SLC35F3: variants seen among roughly 807,000 people sequenced by gnomAD.
SLC35F3 encodes solute carrier family 35 member F3, also known as putative thiamine transporter SLC35F3.
A neutral mutation model predicts 49.9 loss-of-function variants in SLC35F3; 25 were observed. The observed-to-expected ratio is 0.50, with a 90% CI of 0.37 to 0.70. SLC35F3 has a LOEUF of 0.70. Ranked by LOEUF, SLC35F3 falls within the 30% of genes least tolerant of loss-of-function variation. The pLI, the probability that SLC35F3 is intolerant of heterozygous loss-of-function variation, is 0.00. For synonymous variants in SLC35F3, 275 were observed against 265.4 expected, an observed-to-expected ratio of 1.04 and a Z score of -0.35; for missense variants, 525 against 639.8, an observed-to-expected ratio of 0.82 and a Z score of 1.94.
chr1:234,137,370 C>T (rs984032072), intron 2 of SLC35F3, among the ~76,000 whole-genome samples: 2 of 152,120 alleles, frequency 1.3e-5, no homozygotes, highest in African/African-American at 4.8e-5. Context: ...ATGTCAGGTG[C>T]TTTTGTGAGG....
intron 4 of SLC35F3, among the ~76,000 whole-genome samples, chr1:234,315,066 T>C (rs1015081607): frequency 1.3e-5 from 2 of 152,196 alleles, no homozygotes; most frequent in African/African-American, 2.4e-5. Context: ...ACAGTACATG[T>C]AGCATTTGAA....
At chr1:234,020,731 A>C (rs190788699) in intron 2 of SLC35F3, among the ~76,000 whole-genome samples, 127 of 152,216 alleles carry the variant, frequency 8.3e-4, no homozygotes, top group African/African-American at 3.0e-3. Flanking sequence ...TTTTCTTCTG[A>C]ATACAATAAG....
intron 2 of SLC35F3, among the ~76,000 whole-genome samples, chr1:233,972,262 T>A (rs1663007968): frequency 6.6e-6 from 1 of 152,230 alleles, no homozygotes; most frequent in Non-Finnish European, 1.5e-5. Context: ...AATTGTGACG[T>A]CTAGGTCAAA....
At position 233,998,618 on chromosome 1, in the gene SLC35F3, T is replaced by C. The variant is rs72753795; in HGVS notation, c.283+92860T>C. Among the ~76,000 whole-genome samples the C allele has an allele frequency of 1.6e-3, 240 of 151,792 alleles. 4 individuals are homozygous for C. Among genetic ancestry groups the C allele is most frequent in the Non-Finnish European group, 1.6e-3 (111 of 67,936 alleles). On this transcript the variant is annotated intron_variant, in intron 2 of 7. Transcript: ENST00000366618. Reference sequence around the variant, plus strand: ...ATCAAAAAGAACAGTAATGGAGATGTTCTCTAATGAACTGTTCAACTCAGT... The same window carrying C: ...ATCAAAAAGAACAGTAATGGAGATGCTCTCTAATGAACTGTTCAACTCAGT...
At chr1:234,128,838 C>T (rs2067798) in intron 2 of SLC35F3, among the ~76,000 whole-genome samples, 58,532 of 152,056 alleles carry the variant, frequency 0.38, 13,233 homozygotes, top group Non-Finnish European at 0.52. Flanking sequence ...TTCACTCTGT[C>T]GGAAAATCGG....
At chr1:233,927,878 A>G (rs79703612) in intron 2 of SLC35F3, among the ~76,000 whole-genome samples, 15,190 of 152,226 alleles carry the variant, frequency 0.1, 910 homozygotes, top group East Asian at 0.14. Context: ...GATTCCTTAA[A>G]TAGATATAAA....
At chr1:233,955,077 CAG>C (rs1662674420) in intron 2 of SLC35F3, among the ~76,000 whole-genome samples, 1 of 152,140 alleles carries the variant, frequency 6.6e-6, no homozygotes, top group African/African-American at 2.4e-5. Context: ...CTCCTGAACT[CAG>C]GTGATCCACC....
chr1:233,967,018 T>C (rs7550719), intron 2 of SLC35F3, among the ~76,000 whole-genome samples: 30,944 of 152,110 alleles, frequency 0.2, 3,373 homozygotes, highest in East Asian at 0.37. Flanking sequence ...CTATACTTTT[T>C]GAGTAGGGTT....
intron 2 of SLC35F3, among the ~76,000 whole-genome samples, chr1:234,084,723 T>C (rs922877819): frequency 2.0e-5 from 3 of 152,162 alleles, no homozygotes; most frequent in African/African-American, 7.2e-5. Flanking sequence ...TTATCATGTT[T>C]CTAGAGAATA....
At chr1:234,268,142 C>T (rs1668027981) in intron 3 of SLC35F3, among the ~76,000 whole-genome samples, 2 of 152,212 alleles carry the variant, frequency 1.3e-5, no homozygotes, top group African/African-American at 4.8e-5. Context: ...GAGATCACGC[C>T]ACTGCACTCC....
At chr1:234,060,033 A>G (rs548141061) in intron 2 of SLC35F3, among the ~76,000 whole-genome samples, 16 of 152,368 alleles carry the variant, frequency 1.1e-4, no homozygotes, top group Non-Finnish European at 8.8e-5. Flanking sequence ...CTTCAATCTA[A>G]TCAAGTTGAC....
At chr1:233,978,242 G>T (rs1030764175) in intron 2 of SLC35F3, among the ~76,000 whole-genome samples, 1 of 152,184 alleles carries the variant, frequency 6.6e-6, no homozygotes, top group South Asian at 2.1e-4. Context: ...AAGGTATCCA[G>T]CACACCGCGC....
intron 2 of SLC35F3, among the ~76,000 whole-genome samples, chr1:234,023,370 G>C (rs1663928040): frequency 6.6e-6 from 1 of 152,146 alleles, no homozygotes; most frequent in Admixed American, 6.6e-5. Context: ...GTGGTGTACA[G>C]GAGCCAACTG....
At chr1:233,927,424 C>T (rs931157092) in intron 2 of SLC35F3, among the ~76,000 whole-genome samples, 1 of 152,006 alleles carries the variant, frequency 6.6e-6, no homozygotes, top group African/African-American at 2.4e-5. Flanking sequence ...ATACCTATAA[C>T]AACAAAAAAT....
intron 2 of SLC35F3, among the ~76,000 whole-genome samples, chr1:234,038,856 G>T (rs1235496260): frequency 2.0e-5 from 3 of 152,194 alleles, no homozygotes; most frequent in African/African-American, 7.2e-5. Context: ...CATAGGATTT[G>T]ATTCTGGGTT....
intron 2 of SLC35F3, among the ~76,000 whole-genome samples, chr1:234,159,793 G>A (rs775803060): frequency 6.6e-6 from 1 of 152,012 alleles, no homozygotes; most frequent in Non-Finnish European, 1.5e-5. Context: ...TCATTCAGTT[G>A]TGTATTTACC....
At chr1:234,089,520 C>G (rs1039711339) in intron 2 of SLC35F3, among the ~76,000 whole-genome samples, 2 of 152,206 alleles carry the variant, frequency 1.3e-5, no homozygotes, top group African/African-American at 4.8e-5. Context: ...CATCAGTGTT[C>G]AGGCAGGCAG....
In SLC35F3 at chr1:234,216,199, A is replaced by T. The variant is rs1391898793; in HGVS notation, c.284-15218A>T. The stretch of plus-strand genomic sequence containing the variant: ...GGCCATTTATTTCTCTGAGGGAAGC[A>T]GGGAGTGAGTGTCTGCTCACTCATA... On this transcript the variant is annotated intron_variant, in intron 2 of 7. Transcript: ENST00000366618. 2.0e-5 allele frequency among the ~76,000 whole-genome samples: 3 copies of T among 152,322 alleles called. No homozygotes were observed. In the East Asian group the frequency reaches 5.8e-4, roughly 29 times the overall value.
At chr1:234,024,859 G>T (rs1346584552) in intron 2 of SLC35F3, among the ~76,000 whole-genome samples, 1 of 152,116 alleles carries the variant, frequency 6.6e-6, no homozygotes, top group African/African-American at 2.4e-5. Context: ...ACATGTGCAG[G>T]TTTGTTACAT....
Sources: allele counts gnomAD v4.1 joint callset (sites outside exome capture counted in the v4.1 genomes callset), GRCh38; gene constraint gnomAD v4.1.1; transcripts MANE v1.5; gene names NCBI Gene and HGNC (gene_info 2026-07-23, HGNC 2026-07-21).